The following ASAP1 variants were observed in gnomAD, a reference collection of about 807,000 sequenced individuals.
ASAP1 encodes the protein ArfGAP with SH3 domain, ankyrin repeat and PH domain 1.
In ASAP1, 43 loss-of-function variants were observed where a neutral mutation model predicts 145.2. The observed-to-expected ratio is 0.30, with a 90% CI of 0.23 to 0.38. The LOEUF (loss-of-function observed/expected upper bound fraction) is 0.38. Among genes scored for constraint, ASAP1 ranks in the 10% least tolerant of loss-of-function variants. ASAP1 has a pLI of 1.00. For missense variants in ASAP1, 1,018 were observed against 1,355.3 expected, an observed-to-expected ratio of 0.75 and a Z score of 3.91; for synonymous variants, 546 against 515.5, an observed-to-expected ratio of 1.06 and a Z score of -0.80.
chr8:130,128,395 T>A lies in ASAP1; in HGVS notation c.1218-305A>T, dbSNP rs528381267. On this transcript the variant is annotated intron_variant, in intron 15 of 29. Transcript: ENST00000518721. ...TGAACGAATATACAAGGAGACTGCA[T>A]TTCCGTGTGGGCATACTGAATAAAG... Among the ~76,000 whole-genome samples, 185 of 152,112 alleles carry A rather than the reference T, an allele frequency of 1.2e-3. 2 individuals carry two copies. The highest frequency in any genetic ancestry group is 3.4e-3 in the Middle Eastern group (1 of 294).
chr8:130,219,416 A>G (rs1817152463), intron 4 of ASAP1, among the ~76,000 whole-genome samples: 1 of 152,186 alleles, frequency 6.6e-6, no homozygotes, highest in South Asian at 2.1e-4. Context: ...AGAGTACAGT[A>G]AGCCATCTGA....
chr8:130,312,825 A>G (rs1326305835), intron 3 of ASAP1, among the ~76,000 whole-genome samples: 2 of 152,198 alleles, frequency 1.3e-5, no homozygotes, highest in Non-Finnish European at 1.5e-5. Flanking sequence ...CCATTTAGTC[A>G]TACCCTAGCA....
intron 13 of ASAP1, 101 bp downstream of exon 13, chr8:130,152,635 C>A: frequency 1.4e-6 from 1 of 705,204 alleles, no homozygotes; most frequent in Non-Finnish European, 2.3e-6. Flanking sequence ...AATGATCTGA[C>A]CCAAATGCAT....
At chr8:130,146,069 C>T (rs1175981090) in intron 13 of ASAP1, among the ~76,000 whole-genome samples, 1 of 146,662 alleles carries the variant, frequency 6.8e-6, no homozygotes, top group Non-Finnish European at 1.5e-5. Flanking sequence ...CCAGGCTGGT[C>T]TCCAAGTCCT....
At chr8:130,395,233 A>G (rs1435292628) in intron 2 of ASAP1, among the ~76,000 whole-genome samples, 2 of 152,198 alleles carry the variant, frequency 1.3e-5, no homozygotes, top group Admixed American at 1.3e-4. Flanking sequence ...AGGGAAGGCA[A>G]CAACAAGGCC....
At chr8:130,057,922 T>C in intron 29 of ASAP1, 32 bp downstream of exon 29, 1 of 1,611,670 alleles carries the variant, frequency 6.2e-7, no homozygotes, top group Non-Finnish European at 8.5e-7. Flanking sequence ...TGTATGAATG[T>C]ACGGATGAAG....
At chr8:130,391,322 A>G (rs74910572) in intron 2 of ASAP1, among the ~76,000 whole-genome samples, 2,661 of 152,290 alleles carry the variant, frequency 0.017, 40 homozygotes, top group Middle Eastern at 0.054. Context: ...CAGAATTTCA[A>G]TTTTGCAAGA....
At chr8:130,252,741 A>G (rs1819278036) in intron 3 of ASAP1, among the ~76,000 whole-genome samples, 1 of 152,170 alleles carries the variant, frequency 6.6e-6, no homozygotes, top group Non-Finnish European at 1.5e-5. Flanking sequence ...TCTTGATGCA[A>G]TTTCAGTCCC....
In ASAP1 at chr8:130,237,014, G is replaced by A; in HGVS notation, c.187-20C>T. The A allele has an allele frequency of 6.6e-7, 1 of 1,523,022 alleles. No individual in the cohort carries two copies. Among genetic ancestry groups the A allele is most frequent in the African/African-American group, 1.4e-5 (1 of 71,588 alleles). The allele number at this position is 1,523,022 out of a possible 1,614,324, so 94.3% of individuals were successfully genotyped here. On this transcript the variant is annotated intron_variant, in intron 3 of 29. Transcript: ENST00000518721. ...TAGAGCCTAAAAGAGAAAAAAGGGG[G>A]AAAAGATATTAGAAGATTTGGTAAA...
At chr8:130,056,246 T>G (rs1254266359) in intron 29 of ASAP1, among the ~76,000 whole-genome samples, 5 of 152,172 alleles carry the variant, frequency 3.3e-5, no homozygotes, top group Non-Finnish European at 2.9e-5. Context: ...CTGATTCACG[T>G]GGGGGGGCTT....
At chr8:130,268,783 T>C (rs1565155318) in intron 3 of ASAP1, among the ~76,000 whole-genome samples, 1 of 152,192 alleles carries the variant, frequency 6.6e-6, no homozygotes, top group Non-Finnish European at 1.5e-5. Context: ...GGCTCCTTGA[T>C]AGCACTCCAG....
intron 3 of ASAP1, among the ~76,000 whole-genome samples, chr8:130,303,858 C>T (rs1390886639): frequency 6.6e-6 from 1 of 152,100 alleles, no homozygotes; most frequent in Non-Finnish European, 1.5e-5. Context: ...TACATATCAT[C>T]GCACATTTGT....
At chr8:130,274,268 C>T (rs911554303) in intron 3 of ASAP1, among the ~76,000 whole-genome samples, 1 of 152,194 alleles carries the variant, frequency 6.6e-6, no homozygotes, top group African/African-American at 2.4e-5. Context: ...GAAGAAGTGG[C>T]ATGCATATCA....
intron 14 of ASAP1, among the ~76,000 whole-genome samples, chr8:130,136,518 C>T (rs377458853): frequency 1.3e-5 from 2 of 150,982 alleles, no homozygotes; most frequent in Admixed American, 1.3e-4. Flanking sequence ...AGTCTACATC[C>T]GTGCTTCTTA....
chr8:130,077,736 G>A (rs965635935), intron 26 of ASAP1, among the ~76,000 whole-genome samples: 1 of 152,066 alleles, frequency 6.6e-6, no homozygotes, highest in Non-Finnish European at 1.5e-5. Flanking sequence ...GAGAGAAGAT[G>A]AAAGGTGTGT....
chr8:130,249,743 C>T (rs1390397342), intron 3 of ASAP1, among the ~76,000 whole-genome samples: 2 of 152,044 alleles, frequency 1.3e-5, no homozygotes, highest in Non-Finnish European at 2.9e-5. Flanking sequence ...TATATTACTT[C>T]CTCCCAGTTG....
At chr8:130,079,703 T>C (rs1248051515) in intron 26 of ASAP1, among the ~76,000 whole-genome samples, 199 bp downstream of exon 26, 2 of 151,822 alleles carry the variant, frequency 1.3e-5, no homozygotes, top group Non-Finnish European at 2.9e-5. Flanking sequence ...CAGAGAACGG[T>C]CTGCAGACCT....
At chr8:130,189,505 AT>A (rs1430629173) in intron 5 of ASAP1, among the ~76,000 whole-genome samples, 4 of 152,196 alleles carry the variant, frequency 2.6e-5, no homozygotes, top group African/African-American at 9.6e-5. Context: ...TTATGGCTGA[AT>A]AATATTCCAT....
intron 3 of ASAP1, among the ~76,000 whole-genome samples, chr8:130,253,010 T>C (rs1372297012): frequency 2.2e-4 from 34 of 152,190 alleles, no homozygotes. Context: ...GATCCTATAA[T>C]GTCCTAATAA....
Sources: gnomAD v4.1 joint callset for allele counts (sites outside exome capture counted in the v4.1 genomes callset) on GRCh38, gnomAD v4.1.1 for gene constraint, MANE v1.5 for transcripts, NCBI Gene and HGNC (gene_info 2026-07-23, HGNC 2026-07-21) for gene names.